Variants in ENPP1 observed in about 807,000 individuals in gnomAD.
ENPP1 encodes the protein ectonucleotide pyrophosphatase/phosphodiesterase 1, also known as ectonucleotide pyrophosphatase/phosphodiesterase family member 1.
In ENPP1, 73 loss-of-function variants were observed where a neutral mutation model predicts 122.8. That is an observed-to-expected ratio of 0.59 (90% CI 0.49 to 0.72). The LOEUF is 0.72. Ranked by LOEUF, ENPP1 falls within the 30% of genes least tolerant of loss-of-function variation. ENPP1 has a pLI of 0.00. For synonymous variants in ENPP1, 367 were observed against 391.6 expected (o/e 0.94, Z 0.74); for missense variants, 978 against 1,128.1 (o/e 0.87, Z 1.91).
chr6:131,859,078 C>G (rs554442012), intron 7 of ENPP1, among the ~76,000 whole-genome samples: 9 of 152,244 alleles, frequency 5.9e-5, no homozygotes, highest in African/African-American at 2.2e-4. Context: ...AAAAACCTTC[C>G]CAAACTCCTG....
At chr6:131,883,222 T>A (rs1238775790) in intron 21 of ENPP1, among the ~76,000 whole-genome samples, 1 of 152,204 alleles carries the variant, frequency 6.6e-6, no homozygotes, top group Non-Finnish European at 1.5e-5. Flanking sequence ...GGCTATTGCA[T>A]TATAAAAATA....
intron 1 of ENPP1, among the ~76,000 whole-genome samples, chr6:131,835,396 G>A (rs1043673050): frequency 5.3e-5 from 8 of 152,166 alleles, no homozygotes; most frequent in Non-Finnish European, 1.0e-4. Flanking sequence ...GAGGAATGAT[G>A]TAATGATTAT....
In ENPP1 at chr6:131,811,797, C is replaced by T. The variant is rs1397601043; in HGVS notation, c.240+3522C>T. ...TTTTGCATAGTTCGCATATCTCAGA[C>T]TGCTCTGAGCAATTTTTCTTTCTCA... is the stretch of plus-strand genomic sequence containing the variant. On this transcript the variant is annotated intron_variant, in intron 1 of 24. Transcript: ENST00000647893. 3.3e-5 allele frequency among the ~76,000 whole-genome samples: 5 copies of T among 152,312 alleles called. No homozygotes were observed. The East Asian group carries it at 9.6e-4, about 29-fold the overall frequency.
chr6:131,847,661 ATGCCACTG>A (rs201104906), intron 1 of ENPP1, 107 bp from the exon 2 acceptor site: 23,524 of 737,114 alleles, frequency 0.032, 461 homozygotes, highest in South Asian at 0.039. Flanking sequence ...AACTATGATC[ATGCCACTG>A]TACCCTAGCC....
intron 6 of ENPP1, among the ~76,000 whole-genome samples, chr6:131,858,314 G>T (rs1227123745): frequency 6.6e-6 from 1 of 152,154 alleles, no homozygotes; most frequent in Non-Finnish European, 1.5e-5. Context: ...TATAGACTTA[G>T]TTCAGTTTTC....
intron 1 of ENPP1, among the ~76,000 whole-genome samples, chr6:131,843,655 T>G (rs1781769197): frequency 7.0e-6 from 1 of 143,096 alleles, no homozygotes; most frequent in Non-Finnish European, 1.5e-5. Context: ...CCAGGGCATG[T>G]CGTCTTTTTT....
chr6:131,813,633 T>A (rs1464861435), intron 1 of ENPP1, among the ~76,000 whole-genome samples: 2 of 152,214 alleles, frequency 1.3e-5, no homozygotes, highest in Non-Finnish European at 2.9e-5. Context: ...CTTAAGGTCT[T>A]GTTTATAACT....
At chr6:131,851,824 A>T (rs1781885699) in intron 4 of ENPP1, among the ~76,000 whole-genome samples, 1 of 152,164 alleles carries the variant, frequency 6.6e-6, no homozygotes, top group Non-Finnish European at 1.5e-5. Flanking sequence ...GAACTAAGAC[A>T]CCAAAATACC....
At chr6:131,872,225 A>G in intron 14 of ENPP1, 124 bp downstream of exon 14, 1 of 724,464 alleles carries the variant, frequency 1.4e-6, no homozygotes, top group East Asian at 2.7e-5. Context: ...CTGGGCCAAC[A>G]TGGAAATGCT....
chr6:131,878,662 G>A, intron 19 of ENPP1, 69 bp downstream of exon 19: 1 of 1,142,538 alleles, frequency 8.8e-7, no homozygotes, highest in Non-Finnish European at 1.3e-6. Context: ...GAAATGCAGA[G>A]AACTGGCTTG....
intron 6 of ENPP1, 37 bp downstream of exon 6, chr6:131,855,060 AT>A (rs1480260657): frequency 8.0e-6 from 11 of 1,367,934 alleles, no homozygotes; most frequent in Non-Finnish European, 1.2e-5. Context: ...GAATATCACC[AT>A]TTCAGTGAGA....
chr6:131,874,750 C>T (rs190011743), intron 16 of ENPP1, among the ~76,000 whole-genome samples: 126 of 151,984 alleles, frequency 8.3e-4, no homozygotes, highest in Non-Finnish European at 1.2e-4. Flanking sequence ...GTATGTTTAT[C>T]GCAGCACTAT....
chr6:131,832,835 A>G (rs1433166333), intron 1 of ENPP1, among the ~76,000 whole-genome samples: 1 of 152,148 alleles, frequency 6.6e-6, no homozygotes, highest in Non-Finnish European at 1.5e-5. Context: ...GCCTCCGTGT[A>G]AGGGTAACTG....
At chr6:131,817,787 G>A (rs924281338) in intron 1 of ENPP1, among the ~76,000 whole-genome samples, 7 of 94,200 alleles carry the variant, frequency 7.4e-5, no homozygotes, top group Non-Finnish European at 1.4e-4. Flanking sequence ...ACACACACAC[G>A]TGTGTATGTA....
chr6:131,836,209 T>C (rs1209743676), intron 1 of ENPP1, among the ~76,000 whole-genome samples: 1 of 151,608 alleles, frequency 6.6e-6, no homozygotes, highest in Non-Finnish European at 1.5e-5. Context: ...GCCTCCTGGG[T>C]TCAAGCGATT....
chr6:131,817,601 A>C (rs1190302982), intron 1 of ENPP1, among the ~76,000 whole-genome samples: 1 of 152,040 alleles, frequency 6.6e-6, no homozygotes, highest in African/African-American at 2.4e-5. Context: ...TGATTTTGGG[A>C]TGTGTGGTGG....
At chr6:131,884,779 CA>C in intron 22 of ENPP1, 151 bp from the exon 23 acceptor site, 3 of 934,444 alleles carry the variant, frequency 3.2e-6, no homozygotes, top group Non-Finnish European at 5.1e-6. Flanking sequence ...TGTCTCTAAA[CA>C]AAAAACAAAA....
intron 2 of ENPP1, among the ~76,000 whole-genome samples, chr6:131,848,412 T>TC (rs990273323): frequency 2.6e-4 from 39 of 151,688 alleles, no homozygotes; most frequent in Admixed American, 1.3e-3. Context: ...TTGAGGTAGT[T>TC]CCCCCCCCAT....
At chr6:131,861,536 C>T (rs1322910233) in intron 8 of ENPP1, 59 bp from the exon 9 acceptor site, 1 of 1,109,604 alleles carries the variant, frequency 9.0e-7, no homozygotes, top group Non-Finnish European at 1.4e-6. Context: ...TGAATACATA[C>T]TTTCCTAAGA....
Sources: gnomAD v4.1 joint callset for allele counts (sites outside exome capture counted in the v4.1 genomes callset) on GRCh38, gnomAD v4.1.1 for gene constraint, MANE v1.5 for transcripts, NCBI Gene and HGNC (gene_info 2026-07-23, HGNC 2026-07-21) for gene names.